Variants in NEK10 observed in about 807,000 individuals in gnomAD.
NEK10 encodes NIMA related kinase 10.
Under a neutral mutation model 159.8 loss-of-function variants are expected in NEK10, and 122 were observed. That is an observed-to-expected ratio of 0.76 (90% CI 0.66 to 0.89). The LOEUF (loss-of-function observed/expected upper bound fraction) is 0.89. Ranked by LOEUF, NEK10 falls within the 40% of genes least tolerant of loss-of-function variation. NEK10 has a pLI of 0.00. For synonymous variants in NEK10, 466 were observed against 457.1 expected (o/e 1.02, Z -0.25); for missense variants, 1,342 against 1,323.1 (o/e 1.01, Z -0.22).
At chr3:27,348,902 T>C (rs1344093331) in intron 3 of NEK10, among the ~76,000 whole-genome samples, 1 of 152,198 alleles carries the variant, frequency 6.6e-6, no homozygotes, top group Non-Finnish European at 1.5e-5. Context: ...GTTCCCAGTC[T>C]CTTTGCCAAA....
At chr3:27,279,936 G>A (rs1009076077) in intron 22 of NEK10, among the ~76,000 whole-genome samples, 14 of 152,030 alleles carry the variant, frequency 9.2e-5, no homozygotes, top group Admixed American at 3.3e-4. Flanking sequence ...TTGGGAGGCC[G>A]AGGCGGGCGG....
intron 28 of NEK10, among the ~76,000 whole-genome samples, chr3:27,172,339 A>G (rs1947082482): frequency 6.7e-6 from 1 of 150,050 alleles, no homozygotes; most frequent in African/African-American, 2.4e-5. Context: ...GTCTCAAAAA[A>G]AAAAAAAAAA....
At chr3:27,317,314 A>G (rs562077715) in intron 6 of NEK10, among the ~76,000 whole-genome samples, 7 of 152,314 alleles carry the variant, frequency 4.6e-5, no homozygotes, top group South Asian at 2.1e-4. Flanking sequence ...CTAGTTACTG[A>G]CCTGAAAAGC....
chr3:27,304,209 T>C (rs1452542874), intron 12 of NEK10, among the ~76,000 whole-genome samples: 1 of 152,204 alleles, frequency 6.6e-6, no homozygotes, highest in East Asian at 1.9e-4. Context: ...AGTAGAGAAC[T>C]GGACTAGAGT....
intron 23 of NEK10, among the ~76,000 whole-genome samples, chr3:27,247,836 T>C (rs1955239396): frequency 6.7e-6 from 1 of 150,260 alleles, no homozygotes; most frequent in Non-Finnish European, 1.5e-5. Flanking sequence ...TTTTTTTTTT[T>C]CTGGAGGCGT....
Position 27,322,159 on chromosome 3 carries a change from T to C in NEK10, c.447+18A>G. 1.5e-6 allele frequency: 2 copies of C among 1,369,952 alleles called. No individual in the cohort carries two copies. Among genetic ancestry groups the C allele is most frequent in the Non-Finnish European group, 2.0e-6 (2 of 996,474 alleles). The allele number at this position is 1,369,952 out of a possible 1,614,324, so 84.9% of individuals were successfully genotyped here. On this transcript the variant is annotated intron_variant, in intron 6 of 35. Transcript: ENST00000691995. ...CTTTATAACAAGTAAAAAAAAAAAT[T>C]GTATTTTTCCAACCAACCTGATAAC...
At position 27,282,640 on chromosome 3, in the gene NEK10, TTA is replaced by T. The variant is rs34221830; in HGVS notation, c.2014+1960_2014+1961del. On this transcript the variant is annotated intron_variant, in intron 22 of 35. Coordinates refer to ENST00000691995, the MANE Select transcript of NEK10 (RefSeq NM_001394966.1). ...TGTTATATATATATACATAACTGTG[TTA>T]TATATATACATAACTGTGTTATATA... Among the ~76,000 whole-genome samples, 34 of 36,034 alleles carry T rather than the reference TTA, an allele frequency of 9.4e-4. 1 individual carries two copies. Among genetic ancestry groups the T allele is most frequent in the African/African-American group, 4.1e-3 (31 of 7,506 alleles). 23.6% of individuals were successfully genotyped at this position (36,034 alleles called of 152,430 possible).
At chr3:27,328,839 T>C (rs993936461) in intron 5 of NEK10, among the ~76,000 whole-genome samples, 1 of 152,126 alleles carries the variant, frequency 6.6e-6, no homozygotes, top group African/African-American at 2.4e-5. Flanking sequence ...GACTAGCTGA[T>C]GGGGAAGACT....
chr3:27,132,142 C>T (rs1942694758), intron 31 of NEK10, 152 bp from the exon 32 acceptor site: 1 of 424,814 alleles, frequency 2.4e-6, no homozygotes, highest in Non-Finnish European at 4.2e-6. Flanking sequence ...TGACTAGATG[C>T]TATAATTTTT....
At chr3:27,229,717 T>C (rs1953029171) in intron 23 of NEK10, among the ~76,000 whole-genome samples, 1 of 151,878 alleles carries the variant, frequency 6.6e-6, no homozygotes, top group Admixed American at 6.6e-5. Context: ...CTTAAGGAAA[T>C]ACAAAATGCA....
chr3:27,343,545 T>C (rs1435887351), intron 5 of NEK10, among the ~76,000 whole-genome samples: 1 of 152,198 alleles, frequency 6.6e-6, no homozygotes, highest in Non-Finnish European at 1.5e-5. Flanking sequence ...GTGAAGAGTA[T>C]GCGCCTCCTG....
chr3:27,139,551 A>T (rs1437188188), intron 31 of NEK10, among the ~76,000 whole-genome samples: 1 of 152,214 alleles, frequency 6.6e-6, no homozygotes, highest in Non-Finnish European at 1.5e-5. Context: ...GATTCTAAGA[A>T]GGGTAGGCCA....
intron 32 of NEK10, among the ~76,000 whole-genome samples, chr3:27,129,749 T>C (rs947078625): frequency 6.6e-6 from 1 of 151,918 alleles, no homozygotes; most frequent in African/African-American, 2.4e-5. Flanking sequence ...CAAAGATAAA[T>C]AAGACACACC....
chr3:27,161,572 G>A (rs192540778), intron 30 of NEK10, among the ~76,000 whole-genome samples: 9 of 152,334 alleles, frequency 5.9e-5, no homozygotes, highest in Admixed American at 3.9e-4. Context: ...TCACACATAT[G>A]ATAAAAGCAT....
At chr3:27,303,148 G>A (rs2043966656) in intron 12 of NEK10, among the ~76,000 whole-genome samples, 2 of 152,128 alleles carry the variant, frequency 1.3e-5, no homozygotes, top group African/African-American at 2.4e-5. Flanking sequence ...TAGAATAAGA[G>A]TTAAAATATG....
Position 27,110,032 on chromosome 3 carries a change from G to C in NEK10, c.*1240C>G, listed in dbSNP as rs1454217040. The C allele has an allele frequency of 6.6e-6, 1 of 151,976 alleles. No homozygotes were observed. The highest frequency in any genetic ancestry group is 2.1e-4 in the South Asian group (1 of 4,802). 9.4% of individuals were successfully genotyped at this position (151,976 alleles called of 1,614,324 possible). On this transcript the variant is annotated 3_prime_UTR_variant, in exon 36 of 36. Coordinates refer to ENST00000691995, the MANE Select transcript of NEK10 (RefSeq NM_001394966.1). Reference sequence around the variant, plus strand: ...ACTGTAAATACATTGAACTAAAATCGATTCAATCATACTAAAAAAATTCAG... The same window carrying C: ...ACTGTAAATACATTGAACTAAAATCCATTCAATCATACTAAAAAAATTCAG...
intron 35 of NEK10, 46 bp from the exon 36 acceptor site, chr3:27,111,366 T>C: frequency 6.9e-7 from 1 of 1,452,200 alleles, no homozygotes; most frequent in South Asian, 1.3e-5. Context: ...TTACAAATAT[T>C]TTAGTTCATA....
chr3:27,297,076 G>T, intron 14 of NEK10, 103 bp downstream of exon 14: 1 of 652,830 alleles, frequency 1.5e-6, no homozygotes. Flanking sequence ...AAAATCACAT[G>T]ATGGGAATCC....
At chr3:27,189,933 G>A (rs780004755) in intron 26 of NEK10, among the ~76,000 whole-genome samples, 2 of 152,142 alleles carry the variant, frequency 1.3e-5, no homozygotes, top group Non-Finnish European at 2.9e-5. Context: ...GCTAGCAGCA[G>A]GTGCTAATAT....
Sources: gnomAD v4.1 joint callset for allele counts (sites outside exome capture counted in the v4.1 genomes callset) on GRCh38, gnomAD v4.1.1 for gene constraint, MANE v1.5 for transcripts, NCBI Gene and HGNC (gene_info 2026-07-23, HGNC 2026-07-21) for gene names.